The following PGPEP1 variants were observed in gnomAD, a reference collection of about 807,000 sequenced individuals.
The protein encoded by PGPEP1 is pyroglutamyl-peptidase I, also known as pyroglutamyl-peptidase 1.
Under a neutral mutation model 24.1 loss-of-function variants are expected in PGPEP1, and 15 were observed. The observed-to-expected ratio is 0.62, with a 90% CI of 0.42 to 0.96. The LOEUF is 0.96. Among genes scored for constraint, PGPEP1 ranks in the 40% least tolerant of loss-of-function variants. PGPEP1 has a pLI of 0.00. For synonymous variants in PGPEP1, 122 were observed against 116.4 expected, an observed-to-expected ratio of 1.05 and a Z score of -0.31; for missense variants, 242 against 273.4, an observed-to-expected ratio of 0.89 and a Z score of 0.81.
Position 18,365,003 on chromosome 19 carries a change from G to A in PGPEP1, c.*1420G>A, listed in dbSNP as rs1448199808. 6.6e-6 allele frequency: 1 copy of A among 152,132 alleles called. No individual in the cohort carries two copies. The highest frequency in any genetic ancestry group is 6.6e-5 in the Admixed American group (1 of 15,254). The allele number at this position is 152,132 out of a possible 1,614,324, so 9.4% of individuals were successfully genotyped here. ...GGCAGAGCTCTGCATGTCCCGGCAT[G>A]TCTGAGCAGGAGGAATTCCGGGCGG... On this transcript the variant is annotated 3_prime_UTR_variant, in exon 5 of 5. Transcript: ENST00000269919.
In PGPEP1 at chr19:18,357,456, A is replaced by G. The variant is rs773546682; in HGVS notation, c.278A>G (p.Tyr93Cys). 6.2e-7 allele frequency: 1 copy of G among 1,614,070 alleles called. No individual in the cohort carries two copies. Among genetic ancestry groups the G allele is most frequent in the East Asian group, 2.2e-5 (1 of 44,882 alleles). The change falls in exon 4 of 5, where the codon TAC becomes TGC. Residue 93 changes from tyrosine to cysteine, a missense_variant. Tyr to Cys is a radical substitution (Grantham distance 194, BLOSUM62 -2). Coordinates refer to ENST00000269919, the MANE Select transcript of PGPEP1 (RefSeq NM_017712.4). ...GAGAAATGTGGACACAACAAGGGCT[A>G]CAAGGGGCTGGACAACTGCCGCTTT... ...TLEKCGHNKG[Y>C]KGLDNCRFCP...
chr19:18,362,644 C>T (rs1444736168), intron 4 of PGPEP1, among the ~76,000 whole-genome samples: 1 of 149,674 alleles, frequency 6.7e-6, no homozygotes, highest in East Asian at 2.0e-4. Flanking sequence ...AGGAGAATCA[C>T]TTGAGCCGAG....
rs1030809181 is a variant in PGPEP1 at position 18,355,120 on chromosome 19, C to T, written c.88-775C>T. Among the ~76,000 whole-genome samples the T allele has an allele frequency of 3.3e-5, 5 of 151,778 alleles. No individual in the cohort carries two copies. In the East Asian group the frequency reaches 5.8e-4, roughly 18 times the overall value. ...AGTAGCTGGGACTACAGGCACACGC[C>T]GCCACGCCCAGCCAATTTTTTTGTA... On this transcript the variant is annotated intron_variant, in intron 2 of 4. Coordinates refer to ENST00000269919, the MANE Select transcript of PGPEP1 (RefSeq NM_017712.4).
chr19:18,357,627 T>C lies in PGPEP1; in HGVS notation c.437+12T>C. On this transcript the variant is annotated intron_variant, in intron 4 of 4. Coordinates refer to ENST00000269919, the MANE Select transcript of PGPEP1 (RefSeq NM_017712.4). ...CAGGATGCCGGCAGGTAGGGCCCTG[T>C]GGGGTGGGAGTGAGTGGGGATTTCC... is the stretch of plus-strand genomic sequence containing the variant. The C allele has an allele frequency of 6.3e-7, 1 of 1,575,892 alleles. No individual in the cohort carries two copies. The highest frequency in any genetic ancestry group is 8.6e-7 in the Non-Finnish European group (1 of 1,156,582).
chr19:18,354,917 GAGC>G (rs1971134261), intron 2 of PGPEP1, among the ~76,000 whole-genome samples: 2 of 150,858 alleles, frequency 1.3e-5, no homozygotes, highest in Admixed American at 6.6e-5. Flanking sequence ...TAGCGTGAGT[GAGC>G]ACATTTAATT....
intron 2 of PGPEP1, among the ~76,000 whole-genome samples, chr19:18,344,590 CTT>C (rs35966838): frequency 7.1e-5 from 10 of 141,144 alleles, no homozygotes; most frequent in East Asian, 2.1e-4. Flanking sequence ...GGCTGTTTCC[CTT>C]TTTTTTTTTT....
intron 2 of PGPEP1, among the ~76,000 whole-genome samples, chr19:18,353,809 C>T (rs921016547): frequency 6.6e-6 from 1 of 152,196 alleles, no homozygotes; most frequent in African/African-American, 2.4e-5. Flanking sequence ...CATTGTACCA[C>T]GGATCAGTGC....
intron 2 of PGPEP1, among the ~76,000 whole-genome samples, chr19:18,344,271 A>G (rs1970768470): frequency 6.6e-6 from 1 of 152,076 alleles, no homozygotes; most frequent in Non-Finnish European, 1.5e-5. Context: ...CCTGAAGAAG[A>G]TGCCAGTCTG....
At chr19:18,346,305 C>T (rs1970842767) in intron 2 of PGPEP1, among the ~76,000 whole-genome samples, 1 of 152,134 alleles carries the variant, frequency 6.6e-6, no homozygotes, top group African/African-American at 2.4e-5. Context: ...GGGTTGAATC[C>T]ATTCCTCCAA....
chr19:18,356,108 C>T (rs906692547), intron 3 of PGPEP1, 97 bp downstream of exon 3: 31 of 749,410 alleles, frequency 4.1e-5, no homozygotes, highest in Admixed American at 2.1e-4. Context: ...GATCAGATCA[C>T]GTGACCAATG....
chr19:18,355,024 A>C (rs1323240027), intron 2 of PGPEP1, among the ~76,000 whole-genome samples: 1 of 132,462 alleles, frequency 7.5e-6, no homozygotes, highest in Non-Finnish European at 1.5e-5. Flanking sequence ...GCTGGAGTGC[A>C]GTGGCACAAT....
intron 2 of PGPEP1, among the ~76,000 whole-genome samples, chr19:18,351,862 T>G (rs1971035045): frequency 6.6e-6 from 1 of 152,048 alleles, no homozygotes; most frequent in African/African-American, 2.4e-5. Context: ...CAGTGGCTCA[T>G]GCCTGTAATC....
intron 1 of PGPEP1, among the ~76,000 whole-genome samples, chr19:18,341,347 G>C (rs1402105362): frequency 2.6e-5 from 4 of 152,086 alleles, no homozygotes; most frequent in African/African-American, 9.7e-5. Flanking sequence ...GGCCCCTGCT[G>C]TCACCGACTC....
At chr19:18,359,232 A>C (rs1444584317) in intron 4 of PGPEP1, among the ~76,000 whole-genome samples, 1 of 152,118 alleles carries the variant, frequency 6.6e-6, no homozygotes, top group Non-Finnish European at 1.5e-5. Context: ...CAACAGAGCA[A>C]GACCCTGTTG....
intron 4 of PGPEP1, among the ~76,000 whole-genome samples, chr19:18,360,506 ATTTATT>A (rs1193038419): frequency 6.7e-6 from 1 of 150,166 alleles, no homozygotes; most frequent in African/African-American, 2.5e-5. Flanking sequence ...AACCCAGCTA[ATTTATT>A]TTTTATTTTT....
rs144146557 is a variant in PGPEP1, at chr19:18,363,536, C to T, written c.583C>T (p.Leu195Phe). 3,448 of 1,614,104 alleles carry T rather than the reference C, an allele frequency of 2.1e-3. 9 individuals are homozygous for T. The highest frequency in any genetic ancestry group is 2.7e-3 in the Non-Finnish European group (3,185 of 1,180,006). Residue 195 changes from leucine (L) to phenylalanine (F), a missense_variant, in exon 5 of 5, where the codon CTC becomes TTC. By Grantham distance (22) the Leu-to-Phe change is conservative. Coordinates refer to ENST00000269919, the MANE Select transcript of PGPEP1 (RefSeq NM_017712.4). ...AGCCATCATTGAGGAGATGTTGGAC[C>T]TCCTGGAGCAGTCAGAGGGCAAAAT... Reference protein sequence around the residue: ...LRAIIEEMLDLLEQSEGKINY... With the variant: ...LRAIIEEMLDFLEQSEGKINY...
At chr19:18,358,974 A>G (rs947709781) in intron 4 of PGPEP1, among the ~76,000 whole-genome samples, 12 of 152,020 alleles carry the variant, frequency 7.9e-5, no homozygotes, top group African/African-American at 2.9e-4. Context: ...AGATGATTCT[A>G]TTGCAAAAGG....
intron 4 of PGPEP1, among the ~76,000 whole-genome samples, chr19:18,358,406 A>T (rs2144571083): frequency 6.6e-6 from 1 of 150,986 alleles, no homozygotes; most frequent in Middle Eastern, 3.5e-3. Flanking sequence ...GATTATAGGC[A>T]TGCACCACCA....
At chr19:18,342,767 TCTTG>T (rs1394543727) in intron 1 of PGPEP1, 88 bp from the exon 2 acceptor site, 13 of 984,186 alleles carry the variant, frequency 1.3e-5, no homozygotes, top group Middle Eastern at 5.2e-4. Flanking sequence ...GAAGCTCCTT[TCTTG>T]CTTCTCCAGG....
Sources: gnomAD v4.1 joint callset for allele counts (sites outside exome capture counted in the v4.1 genomes callset) on GRCh38, gnomAD v4.1.1 for gene constraint, MANE v1.5 for transcripts, NCBI Gene and HGNC (gene_info 2026-07-23, HGNC 2026-07-21) for gene names.